The following PEX5L variants were observed in gnomAD, a reference collection of about 807,000 sequenced individuals.
PEX5L encodes the protein PEX5-related protein.
A neutral mutation model predicts 84.0 loss-of-function variants in PEX5L; 30 were observed. The observed-to-expected ratio is 0.36, with a 90% CI of 0.27 to 0.48. The LOEUF is 0.48. Among genes scored for constraint, PEX5L ranks in the 20% least tolerant of loss-of-function variants. The probability of loss-of-function intolerance (pLI) is 0.99; values close to 1 mark genes in which losing one functional copy is unlikely to be tolerated. For synonymous variants in PEX5L, 270 were observed against 283.1 expected (o/e 0.95, Z 0.46); for missense variants, 533 against 754.6 (o/e 0.71, Z 3.44).
chr3:179,841,505 T>C (rs1737280894), intron 8 of PEX5L, among the ~76,000 whole-genome samples: 1 of 152,224 alleles, frequency 6.6e-6, no homozygotes, highest in Non-Finnish European at 1.5e-5. Context: ...TTCTTAATTA[T>C]CTTTATTTTC....
chr3:179,932,230 G>A (rs1411997381), intron 2 of PEX5L, among the ~76,000 whole-genome samples: 2 of 151,962 alleles, frequency 1.3e-5, no homozygotes, highest in Non-Finnish European at 2.9e-5. Context: ...AAAACCTCAG[G>A]TATAGTATAG....
At chr3:179,871,090 T>C (rs936733273) in intron 7 of PEX5L, among the ~76,000 whole-genome samples, 19 of 150,328 alleles carry the variant, frequency 1.3e-4, no homozygotes, top group Non-Finnish European at 2.2e-4. Flanking sequence ...TGTGAACCAT[T>C]TGAGTTATAC....
intron 2 of PEX5L, among the ~76,000 whole-genome samples, chr3:179,932,854 C>T (rs1278419244): frequency 6.6e-6 from 1 of 152,096 alleles, no homozygotes; most frequent in African/African-American, 2.4e-5. Flanking sequence ...CATATATTAG[C>T]AATTTTGTGG....
At chr3:179,896,692 G>C (rs1560589720) in intron 3 of PEX5L, among the ~76,000 whole-genome samples, 1 of 152,180 alleles carries the variant, frequency 6.6e-6, no homozygotes, top group East Asian at 1.9e-4. Context: ...GTACAACTGT[G>C]CCAATTGCAA....
intron 1 of PEX5L, among the ~76,000 whole-genome samples, chr3:180,031,239 TTATACTC>T (rs1791436984): frequency 6.6e-6 from 1 of 152,198 alleles, no homozygotes; most frequent in African/African-American, 2.4e-5. Flanking sequence ...ATCTTCCTGT[TTATACTC>T]TATAATATAG....
intron 2 of PEX5L, among the ~76,000 whole-genome samples, chr3:179,944,368 G>C (rs1776953318): frequency 6.6e-6 from 1 of 152,134 alleles, no homozygotes; most frequent in Admixed American, 6.5e-5. Flanking sequence ...GTAGTCTGGG[G>C]ACTTGAGTTC....
At chr3:179,894,188 A>C (rs1029123364) in intron 3 of PEX5L, among the ~76,000 whole-genome samples, 2 of 152,122 alleles carry the variant, frequency 1.3e-5, no homozygotes, top group African/African-American at 4.8e-5. Flanking sequence ...GTGTCTGTCA[A>C]TATAGTGACC....
intron 9 of PEX5L, among the ~76,000 whole-genome samples, chr3:179,817,727 A>G (rs1452854095): frequency 6.6e-6 from 1 of 152,198 alleles, no homozygotes; most frequent in African/African-American, 2.4e-5. Context: ...TGATGTTACT[A>G]AGGTTTAAGA....
chr3:179,962,609 A>G (rs868343114), intron 2 of PEX5L, among the ~76,000 whole-genome samples: 1 of 152,186 alleles, frequency 6.6e-6, no homozygotes, highest in Non-Finnish European at 1.5e-5. Flanking sequence ...ACTGGATTAG[A>G]TTATCTTCTG....
chr3:179,995,835 C>T (rs936767634), intron 1 of PEX5L, among the ~76,000 whole-genome samples: 4 of 152,174 alleles, frequency 2.6e-5, no homozygotes, highest in Admixed American at 2.6e-4. Flanking sequence ...CAGGTGTCTA[C>T]TGTTAAAGTG....
At chr3:180,026,680 C>T (rs1286612930) in intron 1 of PEX5L, among the ~76,000 whole-genome samples, 2 of 152,180 alleles carry the variant, frequency 1.3e-5, no homozygotes, top group African/African-American at 2.4e-5. Flanking sequence ...ACCATATTCT[C>T]TTACAGTCCT....
At chr3:179,861,269 A>G (rs781509962) in intron 7 of PEX5L, among the ~76,000 whole-genome samples, 4 of 152,204 alleles carry the variant, frequency 2.6e-5, no homozygotes, top group Non-Finnish European at 5.9e-5. Flanking sequence ...TTCTTTCCTT[A>G]GCCCCAGAAG....
Position 179,854,207 on chromosome 3 carries a change from T to G in PEX5L, c.822+4855A>C, listed in dbSNP as rs144888683. Among the ~76,000 whole-genome samples the G allele has an allele frequency of 6.1e-4, 92 of 151,758 alleles. 1 individual carries two copies. Among genetic ancestry groups the G allele is most frequent in the African/African-American group, 2.1e-3 (88 of 41,438 alleles). ...AAAAGATCCTCACCCATATAAGGCT[T>G]AGCTAGAGCTAAGAGTTCAACGTGA... On this transcript the variant is annotated intron_variant, in intron 8 of 14. Transcript: ENST00000467460.
intron 2 of PEX5L, among the ~76,000 whole-genome samples, chr3:179,908,402 A>G (rs554449264): frequency 8.5e-5 from 13 of 152,320 alleles, no homozygotes; most frequent in South Asian, 6.2e-4. Flanking sequence ...GAGTCAGAAG[A>G]GAGGAGTTTC....
At chr3:179,903,403 T>A (rs28629339) in intron 2 of PEX5L, among the ~76,000 whole-genome samples, 26,480 of 151,906 alleles carry the variant, frequency 0.17, 2,492 homozygotes, top group South Asian at 0.3. Context: ...TTTAAAAAAA[T>A]TTTTTTCTTA....
In PEX5L at chr3:179,807,850, C is replaced by A; in HGVS notation, c.1519-19G>T. The A allele has an allele frequency of 6.2e-7, 1 of 1,608,388 alleles. No individual in the cohort carries two copies. Among genetic ancestry groups the A allele is most frequent in the African/African-American group, 1.3e-5 (1 of 74,986 alleles). On this transcript the variant is annotated intron_variant, in intron 13 of 14. Coordinates refer to ENST00000467460, the MANE Select transcript of PEX5L (RefSeq NM_016559.3). ...AATAGTCCTGATGACAAAATCAGAACTTTCTAACAACCCAGTACAAGGCAC... is the reference window on the plus strand; with the variant it reads ...AATAGTCCTGATGACAAAATCAGAAATTTCTAACAACCCAGTACAAGGCAC...
At chr3:179,955,108 T>G (rs1200494052) in intron 2 of PEX5L, among the ~76,000 whole-genome samples, 1 of 152,170 alleles carries the variant, frequency 6.6e-6, no homozygotes, top group Non-Finnish European at 1.5e-5. Flanking sequence ...ACACATATAT[T>G]TATTTTATTT....
Position 179,881,071 on chromosome 3 carries a change from C to T in PEX5L, c.311-948G>A, listed in dbSNP as rs558523811. On this transcript the variant is annotated intron_variant, in intron 4 of 14. Transcript: ENST00000467460. ...GCCTGGAATCTCTTCACCCAGCTCA[C>T]GTAGGAAAGCCACAGAAAGACAAAG... The T allele has an allele frequency of 2.7e-3, 408 of 152,464 alleles. 3 individuals are homozygous for T. The highest frequency in any genetic ancestry group is 4.7e-3 in the Non-Finnish European group (320 of 68,152). 9.4% of individuals were successfully genotyped at this position (152,464 alleles called of 1,614,324 possible). A position where few individuals can be genotyped will look rare whatever the true frequency, so the allele number is the denominator to read the frequency against.
chr3:179,995,459 T>C (rs567040693), intron 1 of PEX5L, among the ~76,000 whole-genome samples: 1 of 152,032 alleles, frequency 6.6e-6, no homozygotes, highest in Non-Finnish European at 1.5e-5. Flanking sequence ...TGATAGTCCT[T>C]AGTGTGAAAT....
Sources: allele counts gnomAD v4.1 joint callset (sites outside exome capture counted in the v4.1 genomes callset), GRCh38; gene constraint gnomAD v4.1.1; transcripts MANE v1.5; gene names NCBI Gene and HGNC (gene_info 2026-07-23, HGNC 2026-07-21).